Variants in NUP214 observed in about 807,000 individuals in gnomAD.
The protein encoded by NUP214 is nucleoporin 214, also known as nuclear pore complex protein Nup214.
In NUP214, 79 loss-of-function variants were observed where a neutral mutation model predicts 196.2. That is an observed-to-expected ratio of 0.40 (90% CI 0.34 to 0.49). NUP214 has a LOEUF of 0.49. Among genes scored for constraint, NUP214 ranks in the 20% least tolerant of loss-of-function variants. The probability of loss-of-function intolerance (pLI) is 0.58; values close to 1 mark genes in which losing one functional copy is unlikely to be tolerated. For missense variants in NUP214, 2,468 were observed against 2,539.0 expected (o/e 0.97, Z 0.60); for synonymous variants, 1,020 against 990.5 (o/e 1.03, Z -0.56).
Position 131,140,693 on chromosome 9 carries a change from G to T in NUP214, c.1277G>T (p.Arg426Leu). The change falls in exon 11 of 36, where the codon CGA becomes CTA. Residue 426 changes from arginine (R) to leucine (L), a missense_variant. Physicochemically the swap from Arg to Leu is moderately radical, Grantham distance 102. Around this residue, in one of 5 missense-constraint regions of NUP214, gnomAD observed 1,801 missense variants for 1,779.4 expected, o/e 1.01. Coordinates refer to ENST00000359428, the MANE Select transcript of NUP214 (RefSeq NM_005085.4). Reference sequence around the variant, plus strand: ...GAGCGACTTTCATTAGAAGGAGAGCGACAGCCCAAGTCACCAGGTATGTGC... The same window carrying T: ...GAGCGACTTTCATTAGAAGGAGAGCTACAGCCCAAGTCACCAGGTATGTGC... ...TPERLSLEGE[R>L]QPKSPGSTPT... 1 of 1,613,638 alleles carries T rather than the reference G, an allele frequency of 6.2e-7. No homozygotes were observed. Among genetic ancestry groups the T allele is most frequent in the South Asian group, 1.1e-5 (1 of 90,946 alleles).
chr9:131,165,885 A>T lies in NUP214; in HGVS notation c.2893+1741A>T, dbSNP rs116822850. 2.3e-3 allele frequency among the ~76,000 whole-genome samples: 349 copies of T among 152,348 alleles called. 4 individuals are homozygous for T. The highest frequency in any genetic ancestry group is 8.1e-3 in the African/African-American group (335 of 41,576). On this transcript the variant is annotated intron_variant, in intron 21 of 35. Transcript: ENST00000359428. The stretch of plus-strand genomic sequence containing the variant: ...ACAAATACTGTATGATTCCACTTAT[A>T]TGAAGTATCTAGAGACATCAAATTC...
At position 131,174,212 on chromosome 9, in the gene NUP214, C is replaced by T. The variant is rs147316462; in HGVS notation, c.3051C>T (p.Pro1017=). 49 of 1,613,928 alleles carry T rather than the reference C, an allele frequency of 3.0e-5. No individual in the cohort carries two copies. The African/African-American group carries it at 5.3e-4, about 18-fold the overall frequency. ...EAVVQAPRHA[P]VVRTPSIQPS... The stretch of plus-strand genomic sequence containing the variant: ...TGGTTCAGGCCCCTCGGCACGCCCC[C>T]GTGGTTCGCACTCCTTCCATCCAGC... Residue 1017 remains proline, a synonymous_variant, in exon 22 of 36, where the codon CCC becomes CCT. Transcript: ENST00000359428.
chr9:131,127,800 C>A, intron 2 of NUP214, 81 bp downstream of exon 2: 1 of 1,040,028 alleles, frequency 9.6e-7, no homozygotes, highest in Non-Finnish European at 1.4e-6. Context: ...AGAAGTCATT[C>A]TAATACTAAA....
intron 31 of NUP214, chr9:131,222,537 C>T (rs377437934): frequency 5.1e-6 from 2 of 389,904 alleles, no homozygotes; most frequent in East Asian, 8.4e-5. Context: ...TATTTTGTGC[C>T]TATAAAATCA....
chr9:131,151,707 G>T (rs1419470475), intron 16 of NUP214, 29 bp from the exon 17 acceptor site: 2 of 1,576,616 alleles, frequency 1.3e-6, no homozygotes, highest in Non-Finnish European at 1.7e-6. Flanking sequence ...ACAACTTTTT[G>T]TACCAACACA....
chr9:131,154,031 A>G (rs1250547838), intron 17 of NUP214, among the ~76,000 whole-genome samples: 3 of 152,230 alleles, frequency 2.0e-5, no homozygotes, highest in Non-Finnish European at 4.4e-5. Flanking sequence ...AGGGCATTCC[A>G]AAGAAACAGC....
chr9:131,227,826 C>T (rs970806756), intron 32 of NUP214, among the ~76,000 whole-genome samples: 8 of 152,072 alleles, frequency 5.3e-5, no homozygotes, highest in African/African-American at 1.4e-4. Flanking sequence ...ACCGAGTGGG[C>T]TCTTGGAGGT....
At chr9:131,130,137 G>GTTGTTTTTTTTTTTTTTTTTTTTT (rs1831489668) in intron 4 of NUP214, among the ~76,000 whole-genome samples, 1 of 76,894 alleles carries the variant, frequency 1.3e-5, no homozygotes, top group African/African-American at 5.0e-5. Context: ...TTCTGGTTTT[G>GTTGTTTTTTTTTTTTTTTTTTTTT]TTTTTTTTTT....
At chr9:131,165,266 A>T (rs1250568190) in intron 21 of NUP214, 1 of 152,090 alleles carries the variant, frequency 6.6e-6, no homozygotes, top group African/African-American at 2.4e-5. Flanking sequence ...TGAGCAACAG[A>T]ATCTCTAAAA....
intron 7 of NUP214, among the ~76,000 whole-genome samples, chr9:131,134,538 T>C (rs1320667293): frequency 6.6e-6 from 1 of 152,252 alleles, no homozygotes; most frequent in Admixed American, 6.5e-5. Context: ...CTGCTACTTA[T>C]GTTTCATGTA....
At chr9:131,220,861 A>T (rs538342398) in intron 31 of NUP214, among the ~76,000 whole-genome samples, 1 of 152,364 alleles carries the variant, frequency 6.6e-6, no homozygotes, top group East Asian at 1.9e-4. Context: ...GAAAAAGATT[A>T]AAAAGCCCAA....
rs771271161 is a variant in NUP214, at chr9:131,127,681, T to G, written c.203T>G (p.Leu68Arg). The change falls in exon 2 of 36, where the codon CTT (leucine) becomes CGT (arginine). Residue 68 changes from leucine (L) to arginine (R), a missense_variant. By Grantham distance (102) the Leu-to-Arg change is moderately radical (BLOSUM62 -2). Transcript: ENST00000359428. ...CAGATTTTTCCTACTAAAAATCTTC[T>G]TATTCAAAATAAACCCGGAGATGAT... is the stretch of plus-strand genomic sequence containing the variant. ...GLQIFPTKNL[L>R]IQNKPGDDPN... The G allele has an allele frequency of 3.7e-6, 6 of 1,613,962 alleles. No homozygotes were observed. In the South Asian group the frequency reaches 6.6e-5, roughly 18 times the overall value.
chr9:131,160,669 C>CA (rs777884873), intron 18 of NUP214, among the ~76,000 whole-genome samples: 5 of 152,210 alleles, frequency 3.3e-5, no homozygotes, highest in African/African-American at 4.8e-5. Context: ...TTCAGTGGGA[C>CA]AACCTGGGTG....
At position 131,144,384 on chromosome 9, in the gene NUP214, A is replaced by G. The variant is rs145849425; in HGVS notation, c.1399A>G (p.Ile467Val). The change falls in exon 12 of 36, where the codon ATT becomes GTT. Residue 467 changes from isoleucine (I) to valine (V), a missense_variant. Physicochemically the swap from Ile to Val is conservative, Grantham distance 29. Around this residue, in one of 5 missense-constraint regions of NUP214, gnomAD observed 1,801 missense variants for 1,779.4 expected, o/e 1.01. Coordinates refer to ENST00000359428, the MANE Select transcript of NUP214 (RefSeq NM_005085.4). Reference sequence around the variant, plus strand: ...GCCACCTTCATCACCTGCTGCTCCCATTGCCACTTTTTCTTTGCTTCCTGC... The same window carrying G: ...GCCACCTTCATCACCTGCTGCTCCCGTTGCCACTTTTTCTTTGCTTCCTGC... ...SLPPSSPAAP[I>V]ATFSLLPAGG... 2.5e-6 allele frequency: 4 copies of G among 1,613,722 alleles called. No homozygotes were observed. The highest frequency in any genetic ancestry group is 2.7e-5 in the African/African-American group (2 of 74,784).
chr9:131,228,131 TTC>T, intron 32 of NUP214, 27 bp from the exon 33 acceptor site: 1 of 1,530,000 alleles, frequency 6.5e-7, no homozygotes, highest in Non-Finnish European at 8.8e-7. Flanking sequence ...TTCTCCCTAT[TTC>T]TGTTTGTTTG....
At chr9:131,175,244 A>G (rs991570395) in intron 22 of NUP214, among the ~76,000 whole-genome samples, 1 of 152,254 alleles carries the variant, frequency 6.6e-6, no homozygotes, top group Non-Finnish European at 1.5e-5. Context: ...AATCAGTATC[A>G]GGAAATGATG....
In NUP214 at chr9:131,163,012, A is replaced by C; in HGVS notation, c.2562A>C (p.Arg854=). The stretch of plus-strand genomic sequence containing the variant: ...ACAGGCACCTGCTTGTGCCAGAGCG[A>C]GAGACACTGTTTAACACCCTAGCCA... ...KKQRHLLVPE[R]ETLFNTLANN... Residue 854 remains arginine (R), a synonymous_variant, in exon 19 of 36, where the codon CGA becomes CGC. Transcript: ENST00000359428. The C allele has an allele frequency of 6.2e-7, 1 of 1,614,170 alleles. No individual in the cohort carries two copies. Among genetic ancestry groups the C allele is most frequent in the Non-Finnish European group, 8.5e-7 (1 of 1,180,022 alleles).
intron 31 of NUP214, among the ~76,000 whole-genome samples, chr9:131,217,531 C>T (rs954781447): frequency 6.6e-6 from 1 of 152,224 alleles, no homozygotes; most frequent in Non-Finnish European, 1.5e-5. Context: ...TTGAAAACAT[C>T]GTCCTTTTAT....
At chr9:131,207,418 C>G (rs1834117615) in intron 30 of NUP214, among the ~76,000 whole-genome samples, 1 of 152,246 alleles carries the variant, frequency 6.6e-6, no homozygotes, top group Non-Finnish European at 1.5e-5. Context: ...GCTGTTGGCT[C>G]AGACCTTAGC....
Sources: gnomAD v4.1 joint callset for allele counts (sites outside exome capture counted in the v4.1 genomes callset) on GRCh38, gnomAD v4.1.1 for gene constraint, gnomAD v4.1.1 regional missense constraint, MANE v1.5 for transcripts, NCBI Gene and HGNC (gene_info 2026-07-23, HGNC 2026-07-21) for gene names.